Variants in MDGA2 observed in about 807,000 individuals in gnomAD.
The protein encoded by MDGA2 is MAM domain containing glycosylphosphatidylinositol anchor 2, also known as MAM domain-containing glycosylphosphatidylinositol anchor protein 2.
A neutral mutation model predicts 117.8 loss-of-function variants in MDGA2; 40 were observed. That is an observed-to-expected ratio of 0.34 (90% CI 0.26 to 0.44). The LOEUF is 0.44. MDGA2 is among the 20% of genes least tolerant of loss of function. The pLI, the probability that MDGA2 is intolerant of heterozygous loss-of-function variation, is 1.00. For synonymous variants in MDGA2, 452 were observed against 439.0 expected (o/e 1.03, Z -0.37); for missense variants, 1,123 against 1,250.6 (o/e 0.90, Z 1.54).
At chr14:47,543,562 A>G (rs1895395563) in intron 1 of MDGA2, among the ~76,000 whole-genome samples, 1 of 152,216 alleles carries the variant, frequency 6.6e-6, no homozygotes. Flanking sequence ...AGCAGATGAC[A>G]CCATCAATTT....
intron 3 of MDGA2, among the ~76,000 whole-genome samples, chr14:47,187,763 A>G (rs1336399204): frequency 6.6e-6 from 1 of 152,156 alleles, no homozygotes. Flanking sequence ...AAACAACAAA[A>G]TAATAACACA....
intron 8 of MDGA2, among the ~76,000 whole-genome samples, chr14:47,025,500 A>G (rs968697702): frequency 6.6e-6 from 1 of 152,014 alleles, no homozygotes; most frequent in Non-Finnish European, 1.5e-5. Context: ...AATTATGTAG[A>G]CTTTGTCTCC....
intron 1 of MDGA2, among the ~76,000 whole-genome samples, chr14:47,590,822 A>C (rs1896423577): frequency 6.6e-6 from 1 of 151,992 alleles, no homozygotes; most frequent in African/African-American, 2.4e-5. Context: ...AAAATAAAGA[A>C]AATTTCATAA....
At position 47,498,620 on chromosome 14, in the gene MDGA2, C is replaced by T. The variant is rs567779581; in HGVS notation, c.280+175897G>A. 6.6e-5 allele frequency among the ~76,000 whole-genome samples: 10 copies of T among 152,168 alleles called. No individual in the cohort carries two copies. In the South Asian group the frequency reaches 1.9e-3, roughly 28 times the overall value. On this transcript the variant is annotated intron_variant, in intron 1 of 16. Transcript: ENST00000399232. ...GAATTCACCAACAAAGGTTATATTT[C>T]TAACACACTCAAGTCAGGAAAAAAA...
At chr14:46,907,338 A>C (rs1883538029) in intron 10 of MDGA2, among the ~76,000 whole-genome samples, 2 of 152,160 alleles carry the variant, frequency 1.3e-5, no homozygotes. Context: ...TCCACTAACA[A>C]GTGTTCTATC....
chr14:47,635,851 T>C (rs1297236240), intron 1 of MDGA2, among the ~76,000 whole-genome samples: 2 of 152,060 alleles, frequency 1.3e-5, no homozygotes, highest in African/African-American at 4.8e-5. Context: ...ATACAAGCAG[T>C]GTGTGAATAT....
intron 9 of MDGA2, among the ~76,000 whole-genome samples, chr14:46,921,508 A>G (rs1298451978): frequency 6.6e-6 from 1 of 151,404 alleles, no homozygotes; most frequent in Admixed American, 6.6e-5. Flanking sequence ...ACTCAGGAAG[A>G]CCTACTTGCT....
chr14:47,381,775 G>T lies in MDGA2; in HGVS notation c.281-80225C>A, dbSNP rs140807893. ...TACGAAGAATCAACATTGTGAAAAT[G>T]GCCATACTGCCCAAGGTAATTTATA... On this transcript the variant is annotated intron_variant, in intron 1 of 16. Transcript: ENST00000399232. 9.2e-5 allele frequency among the ~76,000 whole-genome samples: 14 copies of T among 152,224 alleles called. No homozygotes were observed. In the East Asian group the frequency reaches 2.7e-3, roughly 29 times the overall value.
intron 1 of MDGA2, among the ~76,000 whole-genome samples, chr14:47,309,270 A>G (rs1198324885): frequency 2.6e-5 from 4 of 152,120 alleles, no homozygotes; most frequent in African/African-American, 9.7e-5. Context: ...ACTAACTACA[A>G]TATCCACATC....
At chr14:47,300,609 C>A (rs1321760604) in intron 2 of MDGA2, among the ~76,000 whole-genome samples, 1 of 152,028 alleles carries the variant, frequency 6.6e-6, no homozygotes, top group African/African-American at 2.4e-5. Context: ...CCCACGTCAG[C>A]CTCCAGAGTA....
intron 1 of MDGA2, among the ~76,000 whole-genome samples, chr14:47,399,285 C>A (rs1892082645): frequency 6.6e-6 from 1 of 152,126 alleles, no homozygotes; most frequent in Non-Finnish European, 1.5e-5. Context: ...AGGAAGGGGT[C>A]TGACATTGAA....
rs531778287 is a variant in MDGA2 at position 47,075,398 on chromosome 14, C to T, written c.1196-13820G>A. On this transcript the variant is annotated intron_variant, in intron 6 of 16. Coordinates refer to ENST00000399232, the MANE Select transcript of MDGA2 (RefSeq NM_001113498.3). ...AAGATACAACACCTGTAAAGCTTTT[C>T]ATCCAGAGGGGACATATCTGAAGCT... Among the ~76,000 whole-genome samples, 36 of 152,280 alleles carry T rather than the reference C, an allele frequency of 2.4e-4. 2 individuals are homozygous for T. The South Asian group carries it at 7.1e-3, about 30-fold the overall frequency.
chr14:47,290,994 T>C (rs1888867864), intron 2 of MDGA2, among the ~76,000 whole-genome samples: 1 of 152,166 alleles, frequency 6.6e-6, no homozygotes, highest in South Asian at 2.1e-4. Flanking sequence ...CAGCAATTAG[T>C]ACTTCGCTGC....
intron 1 of MDGA2, among the ~76,000 whole-genome samples, chr14:47,359,917 G>A (rs1891079855): frequency 6.6e-6 from 1 of 151,904 alleles, no homozygotes; most frequent in Non-Finnish European, 1.5e-5. Context: ...CATCAAAAGA[G>A]ACAACAAAAT....
At chr14:47,256,690 G>A (rs10143747) in intron 2 of MDGA2, among the ~76,000 whole-genome samples, 28,528 of 151,970 alleles carry the variant, frequency 0.19, 2,912 homozygotes, top group South Asian at 0.29. Context: ...CTTTATTATA[G>A]TTTGATTGAG....
intron 8 of MDGA2, among the ~76,000 whole-genome samples, chr14:46,989,905 T>G (rs1177870100): frequency 6.6e-6 from 1 of 152,134 alleles, no homozygotes; most frequent in Non-Finnish European, 1.5e-5. Context: ...TTTCTGGTAC[T>G]AGTATCCCAG....
intron 1 of MDGA2, among the ~76,000 whole-genome samples, chr14:47,414,843 C>A (rs1306645699): frequency 6.6e-6 from 1 of 151,872 alleles, no homozygotes; most frequent in Non-Finnish European, 1.5e-5. Flanking sequence ...TAAAGAAAGA[C>A]AAAAGCAAGC....
intron 1 of MDGA2, among the ~76,000 whole-genome samples, chr14:47,366,943 G>T (rs1282362080): frequency 6.9e-6 from 1 of 145,900 alleles, no homozygotes; most frequent in Non-Finnish European, 1.5e-5. Context: ...CAAAAAAATA[G>T]AATTTGTATG....
intron 10 of MDGA2, among the ~76,000 whole-genome samples, chr14:46,915,131 G>C (rs1173791115): frequency 1.3e-5 from 2 of 152,072 alleles, no homozygotes; most frequent in Non-Finnish European, 2.9e-5. Flanking sequence ...GATGAAAAAG[G>C]CTACATGCAT....
Sources: allele counts gnomAD v4.1 joint callset (sites outside exome capture counted in the v4.1 genomes callset), GRCh38; gene constraint gnomAD v4.1.1; transcripts MANE v1.5; gene names NCBI Gene and HGNC (gene_info 2026-07-23, HGNC 2026-07-21).